STAG1: variants seen among roughly 807,000 people sequenced by gnomAD.
The protein encoded by STAG1 is STAG1 cohesin complex component.
STAG1 carries 26 observed loss-of-function variants against 170.9 expected under a neutral mutation model. The observed-to-expected ratio is 0.15, with a 90% confidence interval of 0.11 to 0.21. The LOEUF is 0.21. STAG1 is among the 10% of genes least tolerant of loss of function. The pLI is 1.00. For missense variants in STAG1, 964 were observed against 1,509.5 expected, an observed-to-expected ratio of 0.64 and a Z score of 5.99; for synonymous variants, 514 against 497.7, an observed-to-expected ratio of 1.03 and a Z score of -0.44.
At chr3:136,526,867 G>C (rs149134849) in intron 6 of STAG1, among the ~76,000 whole-genome samples, 1,793 of 152,242 alleles carry the variant, frequency 0.012, 54 homozygotes, top group East Asian at 0.086. Context: ...AGTTTGGCTG[G>C]ATATGAAATT....
intron 1 of STAG1, among the ~76,000 whole-genome samples, chr3:136,725,708 T>C (rs1933625809): frequency 6.6e-6 from 1 of 152,142 alleles, no homozygotes; most frequent in South Asian, 2.1e-4. Context: ...TGAGAACAGA[T>C]AAGATTTCAA....
chr3:136,569,728 TTAA>T (rs1576618203), intron 4 of STAG1, among the ~76,000 whole-genome samples: 1 of 151,974 alleles, frequency 6.6e-6, no homozygotes, highest in East Asian at 1.9e-4. Context: ...ACAAAATAAC[TTAA>T]TAGTGCAATA....
At chr3:136,684,476 G>A (rs1352094851) in intron 1 of STAG1, among the ~76,000 whole-genome samples, 1 of 152,146 alleles carries the variant, frequency 6.6e-6, no homozygotes, top group African/African-American at 2.4e-5. Context: ...CAGGCGGGGT[G>A]CATTGGCTCG....
chr3:136,603,229 T>A (rs979899676), intron 4 of STAG1, among the ~76,000 whole-genome samples: 1 of 152,072 alleles, frequency 6.6e-6, no homozygotes, highest in African/African-American at 2.4e-5. Context: ...TCTGGCTCTG[T>A]ACCCCAGGCT....
At chr3:136,448,095 C>A (rs1446830115) in intron 14 of STAG1, among the ~76,000 whole-genome samples, 1 of 152,040 alleles carries the variant, frequency 6.6e-6, no homozygotes, top group Non-Finnish European at 1.5e-5. Flanking sequence ...CCTTTTGGTA[C>A]CAAAAGAAAA....
Position 136,422,748 on chromosome 3 carries a change from C to A in STAG1, c.1833+20G>T. 6.4e-7 allele frequency: 1 copy of A among 1,563,982 alleles called. No homozygotes were observed. The highest frequency in any genetic ancestry group is 1.2e-5 in the South Asian group (1 of 84,390). On this transcript the variant is annotated intron_variant, in intron 18 of 33. Coordinates refer to ENST00000383202, the MANE Select transcript of STAG1 (RefSeq NM_005862.3). ...TAATAAAACTATAACAGCTGAATTT[C>A]AATTTCATAATATCATTACCTTTTC... is the stretch of plus-strand genomic sequence containing the variant.
intron 9 of STAG1, among the ~76,000 whole-genome samples, chr3:136,484,847 G>A (rs1468387758): frequency 1.3e-4 from 20 of 151,754 alleles, no homozygotes; most frequent in Admixed American, 9.2e-4. Flanking sequence ...TTTTCCAGGT[G>A]CGTCTGTCAC....
At chr3:136,578,660 G>A (rs140183122) in intron 4 of STAG1, among the ~76,000 whole-genome samples, 22 of 152,306 alleles carry the variant, frequency 1.4e-4, no homozygotes, top group Middle Eastern at 3.4e-3. Flanking sequence ...TGTATTAATA[G>A]ACACTGTCTC....
intron 3 of STAG1, among the ~76,000 whole-genome samples, chr3:136,608,402 G>A (rs2107812712): frequency 6.6e-6 from 1 of 150,478 alleles, no homozygotes; most frequent in Non-Finnish European, 1.5e-5. Flanking sequence ...GTAGTAATGT[G>A]TGCCTGTAGT....
chr3:136,537,101 T>C (rs1935670601), intron 6 of STAG1, among the ~76,000 whole-genome samples: 1 of 152,214 alleles, frequency 6.6e-6, no homozygotes, highest in Non-Finnish European at 1.5e-5. Context: ...CATTTGTCTT[T>C]TGGCACTTGT....
At chr3:136,736,653 T>A in intron 1 of STAG1, 5 of 1,604,518 alleles carry the variant, frequency 3.1e-6, no homozygotes, top group Non-Finnish European at 4.3e-6. Context: ...CCGTTTGGCT[T>A]TTTCTTGAGC....
At chr3:136,344,170 C>A (rs1183556628) in intron 29 of STAG1, among the ~76,000 whole-genome samples, 164 bp from the exon 30 acceptor site, 1 of 152,182 alleles carries the variant, frequency 6.6e-6, no homozygotes, top group Non-Finnish European at 1.5e-5. Flanking sequence ...ATTAAACTTC[C>A]AAAGTTGAGT....
chr3:136,523,992 C>T (rs889828494), intron 6 of STAG1, among the ~76,000 whole-genome samples: 7 of 146,672 alleles, frequency 4.8e-5, no homozygotes, highest in Non-Finnish European at 9.1e-5. Flanking sequence ...GTTTTGGTTA[C>T]TGTAGCCTTG....
intron 5 of STAG1, among the ~76,000 whole-genome samples, chr3:136,561,850 T>G (rs1936856970): frequency 6.6e-6 from 1 of 150,816 alleles, no homozygotes; most frequent in Admixed American, 6.6e-5. Flanking sequence ...TACTTTGACA[T>G]AATTTTAGAT....
At chr3:136,587,541 C>CAAAAAAA (rs747339467) in intron 4 of STAG1, among the ~76,000 whole-genome samples, 5 of 60,776 alleles carry the variant, frequency 8.2e-5, no homozygotes, top group Non-Finnish European at 1.2e-4. Context: ...AACTCCATCT[C>CAAAAAAA]AAAAAAAAAA....
intron 5 of STAG1, among the ~76,000 whole-genome samples, chr3:136,549,935 T>C (rs1420219912): frequency 2.6e-5 from 4 of 152,220 alleles, no homozygotes; most frequent in Non-Finnish European, 5.9e-5. Context: ...GATGACCAAG[T>C]GATTTTTATC....
At position 136,502,775 on chromosome 3, in the gene STAG1, C is replaced by A; in HGVS notation, c.681G>T (p.Met227Ile). 6.3e-7 allele frequency: 1 copy of A among 1,586,524 alleles called. No homozygotes were observed. Among genetic ancestry groups the A allele is most frequent in the South Asian group, 1.2e-5 (1 of 83,674 alleles). ...AFRHTSTLAA[M>I]KLMTALVNVA... ...CATTCACCAGAGCAGTCATGAGCTT[C>A]ATGGCTATGAAATGAAGAAATATTA... The change falls in exon 8 of 34, where the codon ATG becomes ATT. Residue 227 changes from methionine to isoleucine, a missense_variant. Met to Ile is a conservative substitution (Grantham distance 10). Transcript: ENST00000383202.
At chr3:136,668,813 A>G (rs1941894527) in intron 1 of STAG1, among the ~76,000 whole-genome samples, 2 of 152,238 alleles carry the variant, frequency 1.3e-5, no homozygotes, top group East Asian at 1.9e-4. Context: ...GCTGGAAGCT[A>G]TCAGCTAACA....
intron 21 of STAG1, among the ~76,000 whole-genome samples, chr3:136,414,487 T>A (rs2087716891): frequency 6.6e-6 from 1 of 152,220 alleles, no homozygotes; most frequent in Non-Finnish European, 1.5e-5. Context: ...GCTCCACTTC[T>A]AATTCTAGCT....
Sources: gnomAD v4.1 joint callset for allele counts (sites outside exome capture counted in the v4.1 genomes callset) on GRCh38, gnomAD v4.1.1 for gene constraint, MANE v1.5 for transcripts, NCBI Gene and HGNC (gene_info 2026-07-23, HGNC 2026-07-21) for gene names.